CTDP1: variants seen among roughly 807,000 people sequenced by gnomAD.
CTDP1 encodes the protein RNA polymerase II subunit A C-terminal domain phosphatase.
CTDP1 carries 47 observed loss-of-function variants against 91.8 expected under a neutral mutation model. That is an observed-to-expected ratio of 0.51 (90% CI 0.41 to 0.65). The LOEUF (loss-of-function observed/expected upper bound fraction) is 0.65. Ranked by LOEUF, CTDP1 falls within the 30% of genes least tolerant of loss-of-function variation. The pLI, the probability that CTDP1 is intolerant of heterozygous loss-of-function variation, is 0.00. For missense variants in CTDP1, 1,272 were observed against 1,373.7 expected, an observed-to-expected ratio of 0.93 and a Z score of 1.17; for synonymous variants, 656 against 598.5, an observed-to-expected ratio of 1.10 and a Z score of -1.40.
intron 10 of CTDP1, among the ~76,000 whole-genome samples, chr18:79,721,980 C>A (rs487172): frequency 2.0e-5 from 3 of 151,834 alleles, no homozygotes; most frequent in African/African-American, 4.8e-5. Context: ...CGTGCCACCA[C>A]GCCTGGCTAA....
At chr18:79,707,070 C>T (rs887248471) in intron 5 of CTDP1, among the ~76,000 whole-genome samples, 7 of 152,322 alleles carry the variant, frequency 4.6e-5, no homozygotes, top group East Asian at 1.9e-4. Flanking sequence ...TGAGGTGCAT[C>T]GATGTTTGCT....
rs1362068467 is a variant in CTDP1 at position 79,736,495 on chromosome 18, G to A, written c.2721G>A (p.Arg907=). ...TCGGGGCACCTGCGTCCAGCGAGAG[G>A]AGCGCGGCAGGGGGCCGGGGGCCCA... ...RTLGAPASSE[R]SAAGGRGPRG... The change falls in exon 12 of 13, where the codon AGG becomes AGA. Residue 907 remains arginine (R), a synonymous_variant. Coordinates refer to ENST00000613122, the MANE Select transcript of CTDP1 (RefSeq NM_004715.5). The A allele has an allele frequency of 6.5e-7, 1 of 1,546,390 alleles. No homozygotes were observed. The highest frequency in any genetic ancestry group is 8.7e-7 in the Non-Finnish European group (1 of 1,145,408).
At chr18:79,744,396 C>T (rs76280594) in intron 12 of CTDP1, among the ~76,000 whole-genome samples, 1,621 of 152,234 alleles carry the variant, frequency 0.011, 16 homozygotes, top group Admixed American at 0.017. Flanking sequence ...AGACAGTATT[C>T]ACTTAATGCA....
intron 12 of CTDP1, among the ~76,000 whole-genome samples, chr18:79,745,278 GC>G (rs2086859846): frequency 1.5e-5 from 2 of 133,558 alleles, no homozygotes; most frequent in Admixed American, 7.5e-5. Flanking sequence ...CCTCCCGTGC[GC>G]GTTCTGTCCC....
At chr18:79,684,218 A>ATGT (rs761854749) in intron 1 of CTDP1, among the ~76,000 whole-genome samples, 17 of 152,346 alleles carry the variant, frequency 1.1e-4, no homozygotes, top group Non-Finnish European at 2.2e-4. Flanking sequence ...TTGCTTGTAC[A>ATGT]TGTGCAGCCA....
chr18:79,745,318 T>TGCGTCCCTCCCGTGCGGGTTCTGTCCCC (rs1568219313), intron 12 of CTDP1, among the ~76,000 whole-genome samples: 3 of 56,310 alleles, frequency 5.3e-5, no homozygotes, highest in Admixed American at 1.8e-4. Flanking sequence ...GTTCTGTCCC[T>TGCGTCCCTCCCGTGCGGGTTCTGTCCCC]GCGTCCCTCC....
At chr18:79,739,344 G>A (rs1382508805) in intron 12 of CTDP1, among the ~76,000 whole-genome samples, 1 of 152,102 alleles carries the variant, frequency 6.6e-6, no homozygotes, top group Non-Finnish European at 1.5e-5. Flanking sequence ...AGCGGGTCGG[G>A]ACCCAGAGCT....
At chr18:79,739,497 G>A (rs372986969) in intron 12 of CTDP1, among the ~76,000 whole-genome samples, 13 of 152,142 alleles carry the variant, frequency 8.5e-5, no homozygotes, top group African/African-American at 3.1e-4. Context: ...ACGCAAGCAC[G>A]GAACTGACCC....
chr18:79,713,059 G>A lies in CTDP1; in HGVS notation c.951G>A (p.Val317=). ...VWKFAPNLIT[V]KKYVYFQGTG... Reference sequence around the variant, plus strand: ...AGTTTGCCCCCAATCTGATAACTGTGAAGAAATATGTATACTTCCAGGGCA... The same window carrying A: ...AGTTTGCCCCCAATCTGATAACTGTAAAGAAATATGTATACTTCCAGGGCA... Residue 317 remains valine, a synonymous_variant, in exon 7 of 13, where the codon GTG becomes GTA. Transcript: ENST00000613122. The surrounding 1 kb of genome is among the most constrained non-coding windows in gnomAD (Gnocchi z 4.7). 1 of 1,614,166 alleles carries A rather than the reference G, an allele frequency of 6.2e-7. No homozygotes were observed.
chr18:79,754,786 C>T (rs559329313), downstream of CTDP1: 3 of 152,404 alleles, frequency 2.0e-5, 1 homozygote, highest in East Asian at 5.8e-4. Flanking sequence ...ATGCGGGGGC[C>T]CGAGAGCTAC....
chr18:79,679,525 G>C, upstream of CTDP1: 2 of 458,882 alleles, frequency 4.4e-6, no homozygotes, highest in Non-Finnish European at 8.7e-6. Flanking sequence ...TCGTAGTCCC[G>C]CCATGCTCTG....
intron 12 of CTDP1, among the ~76,000 whole-genome samples, chr18:79,753,383 G>A (rs995152899): frequency 5.9e-5 from 9 of 152,214 alleles, no homozygotes; most frequent in Non-Finnish European, 7.3e-5. Flanking sequence ...ATGAGCGGCC[G>A]GAACGTGCAT....
At chr18:79,747,660 A>G (rs943154237) in intron 12 of CTDP1, among the ~76,000 whole-genome samples, 1 of 152,230 alleles carries the variant, frequency 6.6e-6, no homozygotes, top group Non-Finnish European at 1.5e-5. Context: ...TCCAGGGTGC[A>G]CTGGGGAAAT....
intron 12 of CTDP1, among the ~76,000 whole-genome samples, chr18:79,739,184 T>C (rs752590110): frequency 2.4e-4 from 37 of 152,242 alleles, no homozygotes; most frequent in Non-Finnish European, 3.4e-4. Context: ...ATAGGTGGTT[T>C]AACCTGATAG....
chr18:79,742,359 C>G (rs2086798531), intron 12 of CTDP1, among the ~76,000 whole-genome samples: 1 of 152,152 alleles, frequency 6.6e-6, no homozygotes, highest in African/African-American at 2.4e-5. Flanking sequence ...GAGAACCCAT[C>G]ACACCACAGC....
intron 4 of CTDP1, among the ~76,000 whole-genome samples, chr18:79,702,498 C>A (rs912658207): frequency 6.6e-6 from 1 of 152,140 alleles, no homozygotes; most frequent in Non-Finnish European, 1.5e-5. Context: ...CTCAGCCTCC[C>A]GAGTAGCTGG....
chr18:79,717,504 G>A (rs2122652419), intron 8 of CTDP1, 31 bp from the exon 9 acceptor site: 1 of 1,610,658 alleles, frequency 6.2e-7, no homozygotes, highest in Non-Finnish European at 8.5e-7. Context: ...GTGCTGGCCG[G>A]AACAGCCTGA....
At chr18:79,738,336 A>C (rs1053053501) in intron 12 of CTDP1, among the ~76,000 whole-genome samples, 2 of 152,292 alleles carry the variant, frequency 1.3e-5, no homozygotes, top group Non-Finnish European at 2.9e-5. Context: ...CTCAGTACAG[A>C]CTTGTGTCCC....
chr18:79,724,860 G>A (rs999238852), intron 10 of CTDP1, among the ~76,000 whole-genome samples: 20 of 152,138 alleles, frequency 1.3e-4, no homozygotes, highest in African/African-American at 3.4e-4. Flanking sequence ...GGCCCCAGCC[G>A]CATTGTCGCC....
Sources: allele counts gnomAD v4.1 joint callset (sites outside exome capture counted in the v4.1 genomes callset), GRCh38; gene constraint gnomAD v4.1.1; non-coding constraint Gnocchi (gnomAD v3.1); transcripts MANE v1.5; gene names NCBI Gene and HGNC (gene_info 2026-07-23, HGNC 2026-07-21).